Variants in FHIP1A observed in about 807,000 individuals in gnomAD.
FHIP1A encodes FHF complex subunit HOOK-interacting protein 1A.
A neutral mutation model predicts 88.6 loss-of-function variants in FHIP1A; 61 were observed. The ratio of observed to expected loss-of-function variants is 0.69; its 90% confidence interval spans 0.56 to 0.85. FHIP1A has a LOEUF of 0.85. FHIP1A is among the 40% of genes least tolerant of loss of function. The probability of loss-of-function intolerance (pLI) is 0.00; values close to 1 mark genes in which losing one functional copy is unlikely to be tolerated. For missense variants in FHIP1A, 1,154 were observed against 1,273.5 expected, an observed-to-expected ratio of 0.91 and a Z score of 1.43; for synonymous variants, 478 against 496.0, an observed-to-expected ratio of 0.96 and a Z score of 0.48.
At chr4:151,641,541 A>T (rs1225226034) in intron 9 of FHIP1A, among the ~76,000 whole-genome samples, 2 of 151,668 alleles carry the variant, frequency 1.3e-5, no homozygotes, top group African/African-American at 4.8e-5. Flanking sequence ...TTTTTTTGCA[A>T]TTTTTTTTTC....
intron 2 of FHIP1A, among the ~76,000 whole-genome samples, chr4:151,461,008 C>G (rs534753722): frequency 6.6e-6 from 1 of 152,236 alleles, no homozygotes; most frequent in Non-Finnish European, 1.5e-5. Flanking sequence ...ATCTATTCTT[C>G]TAGGGAACTA....
chr4:151,549,554 C>T (rs1337839070), intron 3 of FHIP1A, among the ~76,000 whole-genome samples: 2 of 151,354 alleles, frequency 1.3e-5, no homozygotes, highest in Non-Finnish European at 2.9e-5. Flanking sequence ...ACCCTCAGCT[C>T]TGGGAATTAC....
At chr4:151,434,291 G>T (rs553952953) in intron 1 of FHIP1A, among the ~76,000 whole-genome samples, 1 of 152,014 alleles carries the variant, frequency 6.6e-6, no homozygotes, top group Non-Finnish European at 1.5e-5. Context: ...CAAATTCTTT[G>T]TAGGATTAGA....
At chr4:151,569,958 T>G (rs1423166883) in intron 4 of FHIP1A, among the ~76,000 whole-genome samples, 1 of 152,174 alleles carries the variant, frequency 6.6e-6, no homozygotes, top group Non-Finnish European at 1.5e-5. Flanking sequence ...ATAGTGACAC[T>G]GAAGAGTCTG....
In FHIP1A at chr4:151,627,566, C is replaced by T. The variant is rs138738280; in HGVS notation, c.979-2136C>T. Among the ~76,000 whole-genome samples, 639 of 152,260 alleles carry T rather than the reference C, an allele frequency of 4.2e-3. 7 individuals carry two copies. Among genetic ancestry groups the T allele is most frequent in the African/African-American group, 0.014 (575 of 41,546 alleles). On this transcript the variant is annotated intron_variant, in intron 7 of 13. Transcript: ENST00000435205. ...TTTGGAATGATTATGCAACTTTTTT[C>T]TAGTGATCAAGGTTGTTGGGGAATT...
chr4:151,481,428 T>C (rs1387607735), intron 2 of FHIP1A, among the ~76,000 whole-genome samples: 4 of 152,034 alleles, frequency 2.6e-5, no homozygotes, highest in Non-Finnish European at 5.9e-5. Flanking sequence ...AAGTAAATTA[T>C]GTGGTTGTGG....
chr4:151,636,516 C>T (rs1371274863), intron 8 of FHIP1A, among the ~76,000 whole-genome samples: 5 of 151,782 alleles, frequency 3.3e-5, no homozygotes, highest in Non-Finnish European at 7.4e-5. Flanking sequence ...AAGGAATGCA[C>T]TAAAATTGTT....
rs529724040 is a variant in FHIP1A at position 151,591,529 on chromosome 4, G to A, written c.978+2603G>A. ...GCAGGTTTGTTACATATGTATACACGTGCCATGGTGGTTTGCTGCACCCAT... is the reference window on the plus strand; with the variant it reads ...GCAGGTTTGTTACATATGTATACACATGCCATGGTGGTTTGCTGCACCCAT... On this transcript the variant is annotated intron_variant, in intron 7 of 13. Transcript: ENST00000435205. Among the ~76,000 whole-genome samples the A allele has an allele frequency of 1.1e-4, 17 of 151,956 alleles. No homozygotes were observed. In the East Asian group the frequency reaches 2.3e-3, roughly 21 times the overall value.
rs546038022 is a variant in FHIP1A at position 151,663,908 on chromosome 4, A to C, written c.*1154A>C. ...CCTTCCGAGTAATGGGGTTCATTAG[A>C]AGGCCCCAACGTGCTGTATGAGCGT... On this transcript the variant is annotated 3_prime_UTR_variant, in exon 14 of 14. Transcript: ENST00000435205. Among the ~76,000 whole-genome samples the C allele has an allele frequency of 6.6e-6, 1 of 152,198 alleles. No homozygotes were observed. Among genetic ancestry groups the C allele is most frequent in the Admixed American group, 6.5e-5 (1 of 15,280 alleles).
chr4:151,649,895 G>C lies in FHIP1A; in HGVS notation c.1854G>C (p.Gln618His). ...CCATTGATCCCCCCAAACACATCCAGGAGATGAAGAAGAATGCCCTCCTGC... is the reference window on the plus strand; with the variant it reads ...CCATTGATCCCCCCAAACACATCCACGAGATGAAGAAGAATGCCCTCCTGC... ...PAPIDPPKHI[Q>H]EMKKNALLLF... The change falls in exon 11 of 14, where the codon CAG becomes CAC. Residue 618 changes from glutamine to histidine, a missense_variant. Gln to His is a conservative substitution (Grantham distance 24, BLOSUM62 0). Transcript: ENST00000435205. 6.4e-7 allele frequency: 1 copy of C among 1,551,558 alleles called. No homozygotes were observed. The highest frequency in any genetic ancestry group is 1.2e-5 in the South Asian group (1 of 84,044).
At position 151,493,853 on chromosome 4, in the gene FHIP1A, C is replaced by T. The variant is rs142484043; in HGVS notation, c.-123+11205C>T. 9.7e-3 allele frequency among the ~76,000 whole-genome samples: 1,482 copies of T among 152,164 alleles called. 18 individuals are homozygous for T. Among genetic ancestry groups the T allele is most frequent in the African/African-American group, 0.034 (1,407 of 41,512 alleles). On this transcript the variant is annotated intron_variant, in intron 3 of 13. Coordinates refer to ENST00000435205, the MANE Select transcript of FHIP1A (RefSeq NM_001109977.3). Reference sequence around the variant, plus strand: ...GTAATAAAAGCTGTCTATAACAAACCCACAGCCAACATTATACTGAATGGG... The same window carrying T: ...GTAATAAAAGCTGTCTATAACAAACTCACAGCCAACATTATACTGAATGGG...
intron 13 of FHIP1A, among the ~76,000 whole-genome samples, chr4:151,660,583 A>G (rs1255868392): frequency 6.6e-6 from 1 of 152,210 alleles, no homozygotes; most frequent in African/African-American, 2.4e-5. Context: ...TGCTAAAGAC[A>G]TGTTATCAGA....
chr4:151,518,743 T>C (rs1731346686), intron 3 of FHIP1A, among the ~76,000 whole-genome samples: 1 of 144,142 alleles, frequency 6.9e-6, no homozygotes, highest in South Asian at 2.4e-4. Flanking sequence ...CACTGCCACC[T>C]TGAACTCCTG....
intron 8 of FHIP1A, among the ~76,000 whole-genome samples, chr4:151,631,261 A>G (rs547670405): frequency 2.0e-5 from 3 of 152,270 alleles, no homozygotes; most frequent in African/African-American, 7.2e-5. Flanking sequence ...AAAAGAGGGA[A>G]GTCTCAAATT....
At chr4:151,542,062 C>G (rs1732315446) in intron 3 of FHIP1A, among the ~76,000 whole-genome samples, 2 of 152,142 alleles carry the variant, frequency 1.3e-5, no homozygotes, top group African/African-American at 4.8e-5. Context: ...TAAGAGGAAC[C>G]TCTCTCACTT....
intron 3 of FHIP1A, among the ~76,000 whole-genome samples, chr4:151,534,103 T>A (rs146250560): frequency 1.2e-3 from 178 of 152,336 alleles, no homozygotes; most frequent in African/African-American, 4.1e-3. Context: ...GTCTCTAGCT[T>A]TCAGTCTGTC....
intron 3 of FHIP1A, among the ~76,000 whole-genome samples, chr4:151,488,149 G>C (rs1239405655): frequency 1.3e-5 from 2 of 152,168 alleles, no homozygotes; most frequent in Non-Finnish European, 2.9e-5. Flanking sequence ...GCATTCACCA[G>C]TGTAGCTCCT....
chr4:151,545,117 G>T (rs190777981), intron 3 of FHIP1A, among the ~76,000 whole-genome samples: 11 of 152,230 alleles, frequency 7.2e-5, no homozygotes, highest in African/African-American at 2.4e-4. Flanking sequence ...CACTATTTTT[G>T]CATTTTCCAA....
intron 1 of FHIP1A, among the ~76,000 whole-genome samples, chr4:151,433,083 G>T (rs1733656716): frequency 6.6e-6 from 1 of 152,168 alleles, no homozygotes; most frequent in Non-Finnish European, 1.5e-5. Context: ...GTGTGAGGGA[G>T]AAAGCCTTTC....
Sources: gnomAD v4.1 joint callset for allele counts (sites outside exome capture counted in the v4.1 genomes callset) on GRCh38, gnomAD v4.1.1 for gene constraint, MANE v1.5 for transcripts, NCBI Gene and HGNC (gene_info 2026-07-23, HGNC 2026-07-21) for gene names.